Variants in SCHIP1 observed in about 807,000 individuals in gnomAD.
SCHIP1 encodes the protein schwannomin-interacting protein 1.
In SCHIP1, 8 loss-of-function variants were observed where a neutral mutation model predicts 29.7. The observed-to-expected ratio is 0.27, with a 90% CI of 0.16 to 0.49. The LOEUF is 0.49. SCHIP1 is among the 20% of genes least tolerant of loss of function. The probability of loss-of-function intolerance (pLI) is 0.99; values close to 1 mark genes in which losing one functional copy is unlikely to be tolerated. For synonymous variants in SCHIP1, 76 were observed against 94.9 expected (o/e 0.80, Z 1.16); for missense variants, 193 against 294.6 (o/e 0.66, Z 2.52).
chr3:159,308,612 C>G, the SCHIP1 span, among the ~76,000 whole-genome samples: 1 of 152,116 alleles, frequency 6.6e-6, no homozygotes, highest in Non-Finnish European at 1.5e-5. Context: ...GGAGATTTCT[C>G]AAAGAACTTA....
the SCHIP1 span, among the ~76,000 whole-genome samples, chr3:159,826,507 C>G: frequency 6.6e-6 from 1 of 152,202 alleles, no homozygotes; most frequent in Admixed American, 6.5e-5. Flanking sequence ...ACAGTTAACG[C>G]TGGAAATCAG....
intron 3 of SCHIP1, chr3:159,886,593 C>G (rs1272117893): frequency 6.4e-6 from 2 of 311,074 alleles, no homozygotes; most frequent in Non-Finnish European, 1.2e-5. Context: ...AAAACCCTGT[C>G]TCTATAAAAA....
At chr3:159,322,382 C>G in the SCHIP1 span, among the ~76,000 whole-genome samples, 286 of 152,286 alleles carry the variant, frequency 1.9e-3, 1 homozygote, top group African/African-American at 6.4e-3. Context: ...GTCTCTCTGA[C>G]TTCTTGAAAT....
the SCHIP1 span, among the ~76,000 whole-genome samples, chr3:159,443,471 C>A: frequency 6.6e-6 from 1 of 152,158 alleles, no homozygotes. Flanking sequence ...TGGTAAAACT[C>A]TGGCCTCCAT....
chr3:159,644,950 TTAAC>T, the SCHIP1 span, among the ~76,000 whole-genome samples: 22 of 152,130 alleles, frequency 1.4e-4, no homozygotes, highest in African/African-American at 5.1e-4. Context: ...ATGAGAATAT[TTAAC>T]TAAATATTGA....
intron 2 of SCHIP1, among the ~76,000 whole-genome samples, chr3:159,868,036 TAC>T (rs888552407): frequency 6.7e-6 from 1 of 148,840 alleles, no homozygotes; most frequent in Non-Finnish European, 1.5e-5. Context: ...TTTATATATA[TAC>T]ACACACATAT....
At chr3:159,298,355 C>A in the SCHIP1 span, among the ~76,000 whole-genome samples, 1 of 152,142 alleles carries the variant, frequency 6.6e-6, no homozygotes, top group Non-Finnish European at 1.5e-5. Flanking sequence ...ACAAATCAAC[C>A]ATATAGACCT....
At chr3:159,569,579 T>A in the SCHIP1 span, among the ~76,000 whole-genome samples, 1 of 152,174 alleles carries the variant, frequency 6.6e-6, no homozygotes, top group Non-Finnish European at 1.5e-5. Flanking sequence ...TGATGGACAT[T>A]TGGGTTCGTT....
At chr3:159,729,867 C>T in the SCHIP1 span, among the ~76,000 whole-genome samples, 1 of 152,138 alleles carries the variant, frequency 6.6e-6, no homozygotes, top group Non-Finnish European at 1.5e-5. Context: ...TCTGAATGTA[C>T]ATCAATAAGA....
At chr3:159,434,041 G>T in the SCHIP1 span, among the ~76,000 whole-genome samples, 3 of 152,112 alleles carry the variant, frequency 2.0e-5, no homozygotes, top group South Asian at 6.2e-4. Context: ...TATTTTAAGG[G>T]TAGAGTGCAT....
the SCHIP1 span, among the ~76,000 whole-genome samples, chr3:159,507,427 C>T: frequency 6.6e-6 from 1 of 152,308 alleles, no homozygotes; most frequent in Admixed American, 6.5e-5. Context: ...GACAATTTGA[C>T]TTCCTCTTTT....
At chr3:159,428,705 C>T in the SCHIP1 span, among the ~76,000 whole-genome samples, 1 of 151,448 alleles carries the variant, frequency 6.6e-6, no homozygotes, top group Non-Finnish European at 1.5e-5. Context: ...GGTATATACC[C>T]AAAGGACTAT....
chr3:159,894,978 G>A (rs564303604), intron 6 of SCHIP1, among the ~76,000 whole-genome samples: 3 of 152,266 alleles, frequency 2.0e-5, no homozygotes, highest in South Asian at 4.2e-4. Flanking sequence ...GCATAGGAGT[G>A]TGTGTGCATG....
chr3:159,667,794 T>C, the SCHIP1 span, among the ~76,000 whole-genome samples: 1 of 152,252 alleles, frequency 6.6e-6, no homozygotes, highest in Non-Finnish European at 1.5e-5. Context: ...ATGAGAAATA[T>C]ATTCTACATC....
the SCHIP1 span, among the ~76,000 whole-genome samples, chr3:159,678,915 A>ACAG: frequency 6.6e-6 from 1 of 152,216 alleles, no homozygotes; most frequent in African/African-American, 2.4e-5. Context: ...AGTATAGAGA[A>ACAG]TATCGCCCTT....
At chr3:159,523,280 T>C in the SCHIP1 span, among the ~76,000 whole-genome samples, 1 of 152,276 alleles carries the variant, frequency 6.6e-6, no homozygotes, top group African/African-American at 2.4e-5. Context: ...AGTTGTCTTA[T>C]AAATGTTATA....
At chr3:159,846,505 C>A (rs1560079836) in intron 1 of SCHIP1, among the ~76,000 whole-genome samples, 1 of 152,208 alleles carries the variant, frequency 6.6e-6, no homozygotes, top group Non-Finnish European at 1.5e-5. Context: ...CTCTCAATCC[C>A]TTCTTCCTGT....
the SCHIP1 span, among the ~76,000 whole-genome samples, chr3:159,740,139 G>A: frequency 6.6e-6 from 1 of 152,228 alleles, no homozygotes; most frequent in Middle Eastern, 3.2e-3. Context: ...CTCTGCAAAT[G>A]CAGAGATTCA....
the SCHIP1 span, among the ~76,000 whole-genome samples, chr3:159,453,607 C>T: frequency 6.6e-6 from 1 of 152,142 alleles, no homozygotes; most frequent in African/African-American, 2.4e-5. Context: ...TACTGCCTAT[C>T]TTTGAGGTTC....
Sources: gnomAD v4.1 joint callset for allele counts (sites outside exome capture counted in the v4.1 genomes callset) on GRCh38, gnomAD v4.1.1 for gene constraint, MANE v1.5 for transcripts, NCBI Gene and HGNC (gene_info 2026-07-23, HGNC 2026-07-21) for gene names.